Variants in POR observed in about 807,000 individuals in gnomAD.
POR encodes the protein NADPH--cytochrome P450 reductase.
POR carries 56 observed loss-of-function variants against 84.0 expected under a neutral mutation model. That is an observed-to-expected ratio of 0.67 (90% CI 0.54 to 0.83). The LOEUF (loss-of-function observed/expected upper bound fraction) is 0.83. Among genes scored for constraint, POR ranks in the 40% least tolerant of loss-of-function variants. POR has a pLI of 0.00. For missense variants in POR, 938 were observed against 944.3 expected (o/e 0.99, Z 0.09); for synonymous variants, 414 against 400.5 (o/e 1.03, Z -0.40).
intron 2 of POR, among the ~76,000 whole-genome samples, chr7:75,963,781 G>A (rs1451097500): frequency 6.6e-6 from 1 of 152,086 alleles, no homozygotes; most frequent in African/African-American, 2.4e-5. Context: ...CCCAGGCACA[G>A]GTCACCAAGG....
chr7:75,985,519 G>A, intron 12 of POR, 60 bp from the exon 13 acceptor site: 1 of 1,455,108 alleles, frequency 6.9e-7, no homozygotes, highest in Non-Finnish European at 9.1e-7. Context: ...ACGGGACTTG[G>A]GGCCGGGGCT....
At chr7:75,953,494 C>T (rs145555459) in intron 1 of POR, among the ~76,000 whole-genome samples, 4 of 152,186 alleles carry the variant, frequency 2.6e-5, no homozygotes, top group South Asian at 4.1e-4. Flanking sequence ...GTCCAAGGCT[C>T]GTGAATATCA....
At chr7:75,977,936 G>A (rs1420744651) in intron 3 of POR, among the ~76,000 whole-genome samples, 2 of 152,202 alleles carry the variant, frequency 1.3e-5, no homozygotes, top group Non-Finnish European at 2.9e-5. Flanking sequence ...TGGCTGAACC[G>A]AATTGGCTGC....
chr7:75,964,572 T>C (rs1287381924), intron 2 of POR, among the ~76,000 whole-genome samples: 7 of 152,370 alleles, frequency 4.6e-5, no homozygotes, highest in East Asian at 1.9e-4. Flanking sequence ...CCTTCCAAAG[T>C]GTTGGGATTA....
In POR at chr7:75,986,625, A is replaced by G. The variant is rs1169659566; in HGVS notation, c.*144A>G. On this transcript the variant is annotated 3_prime_UTR_variant, in exon 16 of 16. Coordinates refer to ENST00000461988, the MANE Select transcript of POR (RefSeq NM_000941.3). ...AAAGACTCCTCTGGGCCTGGGGTGC[A>G]TCCTCCTCAGCCCCCAGGCCAGGTG... 3.8e-6 allele frequency: 4 copies of G among 1,065,648 alleles called. No individual in the cohort carries two copies. The highest frequency in any genetic ancestry group is 5.3e-6 in the Non-Finnish European group (4 of 750,396). The allele number at this position is 1,065,648 out of a possible 1,614,324, so 66.0% of individuals were successfully genotyped here.
At chr7:75,917,634 A>ATTTTC (rs531195850) in intron 1 of POR, among the ~76,000 whole-genome samples, 5 of 151,488 alleles carry the variant, frequency 3.3e-5, no homozygotes, top group Middle Eastern at 3.4e-3. Flanking sequence ...AGAAATGACA[A>ATTTTC]TTTTCTTTTC....
chr7:75,970,660 T>C (rs1211115527), intron 2 of POR, among the ~76,000 whole-genome samples: 2 of 151,888 alleles, frequency 1.3e-5, no homozygotes, highest in Non-Finnish European at 2.9e-5. Flanking sequence ...GGATACTCTC[T>C]TTAAGAAAAT....
chr7:75,986,281 CA>C (rs1248496784), intron 15 of POR, 40 bp downstream of exon 15: 2 of 1,612,500 alleles, frequency 1.2e-6, no homozygotes, highest in Non-Finnish European at 1.7e-6. Context: ...GCAGGGAGGA[CA>C]AGGCCCTGCC....
At chr7:75,917,380 C>CTTTTTTT (rs199962786) in intron 1 of POR, among the ~76,000 whole-genome samples, 5 of 125,970 alleles carry the variant, frequency 4.0e-5, no homozygotes, top group Admixed American at 7.5e-5. Context: ...CTTATTTCTT[C>CTTTTTTT]TTCTTTTTTT....
chr7:75,960,947 A>G (rs1554554421), intron 2 of POR, among the ~76,000 whole-genome samples: 1 of 152,134 alleles, frequency 6.6e-6, no homozygotes, highest in African/African-American at 2.4e-5. Context: ...GTGTGGCAGT[A>G]TCAGGCCCAG....
chr7:75,973,309 A>T (rs936763460), intron 3 of POR, among the ~76,000 whole-genome samples: 3 of 151,968 alleles, frequency 2.0e-5, no homozygotes, highest in Non-Finnish European at 4.4e-5. Flanking sequence ...TTTTTAATTT[A>T]AAAAAACCTT....
chr7:75,979,671 C>T, intron 4 of POR, 92 bp downstream of exon 4: 3 of 1,528,514 alleles, frequency 2.0e-6, no homozygotes, highest in Non-Finnish European at 2.7e-6. Flanking sequence ...GGGAGGCCGG[C>T]AGGGAGTGGG....
At chr7:75,942,621 C>T (rs1019859884) in intron 1 of POR, among the ~76,000 whole-genome samples, 66 of 151,800 alleles carry the variant, frequency 4.3e-4, no homozygotes, top group African/African-American at 1.4e-3. Context: ...ATCTGAAAAA[C>T]GCTGCTAGGG....
chr7:75,981,101 C>A lies in POR; in HGVS notation c.570C>A (p.Tyr190Ter), dbSNP rs782276763. Residue 190 changes from tyrosine (Y) to a stop codon, truncating the protein, a stop_gained, in exon 6 of 16, where the codon TAC becomes TAA. Transcript: ENST00000461988. LOFTEE classifies it high-confidence loss of function. The stretch of plus-strand genomic sequence containing the variant: ...AGCACTTCAATGCCATGGGCAAGTA[C>A]GTGGACAAGCGGCTGGAGCAGCTCG... The A allele has an allele frequency of 6.4e-7, 1 of 1,569,686 alleles. No individual in the cohort carries two copies. The highest frequency in any genetic ancestry group is 8.6e-7 in the Non-Finnish European group (1 of 1,158,270).
chr7:75,934,978 T>C (rs1807595415), intron 1 of POR, among the ~76,000 whole-genome samples: 1 of 151,968 alleles, frequency 6.6e-6, no homozygotes, highest in Non-Finnish European at 1.5e-5. Flanking sequence ...CATACAGAGT[T>C]CTCACTGGGG....
chr7:75,968,545 G>A (rs138103877), intron 2 of POR, among the ~76,000 whole-genome samples: 156 of 152,348 alleles, frequency 1.0e-3, no homozygotes, highest in African/African-American at 3.3e-3. Context: ...GGCTAAGCCC[G>A]TGAACTTTGC....
Position 75,980,471 on chromosome 7 carries a change from T to A in POR, c.499T>A (p.Ser167Thr). 6.2e-7 allele frequency: 1 copy of A among 1,612,868 alleles called. No individual in the cohort carries two copies. The highest frequency in any genetic ancestry group is 8.5e-7 in the Non-Finnish European group (1 of 1,179,806). Residue 167 changes from serine (S) to threonine (T), a missense_variant, in exon 5 of 16, where the codon TCT becomes ACT. Coordinates refer to ENST00000461988, the MANE Select transcript of POR (RefSeq NM_000941.3). ...GCTGCAGGAGACAGACGTGGATCTC[T>A]CTGGGGTCAAGTTCGCGGTGAGTCA... is the stretch of plus-strand genomic sequence containing the variant.
intron 1 of POR, among the ~76,000 whole-genome samples, chr7:75,930,414 A>G (rs1264121891): frequency 2.6e-5 from 4 of 152,176 alleles, no homozygotes; most frequent in Non-Finnish European, 5.9e-5. Context: ...CCTGGGAGGT[A>G]GAGGTTGTGG....
intron 2 of POR, among the ~76,000 whole-genome samples, chr7:75,969,796 G>A (rs1042019628): frequency 3.3e-5 from 5 of 152,200 alleles, no homozygotes; most frequent in Non-Finnish European, 7.3e-5. Context: ...GAGGAGACAC[G>A]GCGTCCTGTG....
Sources: gnomAD v4.1 joint callset for allele counts (sites outside exome capture counted in the v4.1 genomes callset) on GRCh38, gnomAD v4.1.1 for gene constraint, MANE v1.5 for transcripts, NCBI Gene and HGNC (gene_info 2026-07-23, HGNC 2026-07-21) for gene names.